The following CNTNAP2 variants were observed in gnomAD, a reference collection of about 807,000 sequenced individuals.
CNTNAP2 encodes contactin-associated protein-like 2.
Under a neutral mutation model 155.2 loss-of-function variants are expected in CNTNAP2, and 98 were observed. The observed-to-expected ratio is 0.63, with a 90% CI of 0.54 to 0.75. The LOEUF (loss-of-function observed/expected upper bound fraction) is 0.75. Ranked by LOEUF, CNTNAP2 falls within the 30% of genes least tolerant of loss-of-function variation. The pLI is 0.00. For missense variants in CNTNAP2, 1,727 were observed against 1,688.1 expected, an observed-to-expected ratio of 1.02 and a Z score of -0.40; for synonymous variants, 651 against 631.2, an observed-to-expected ratio of 1.03 and a Z score of -0.47.
intron 21 of CNTNAP2, among the ~76,000 whole-genome samples, chr7:148,294,344 T>C (rs753307481): frequency 1.3e-5 from 2 of 152,238 alleles, no homozygotes; most frequent in Admixed American, 6.5e-5. Flanking sequence ...TAAGCTTACA[T>C]ATAATTAACC....
intron 15 of CNTNAP2, among the ~76,000 whole-genome samples, chr7:148,028,056 C>T (rs1041498660): frequency 5.9e-5 from 9 of 152,124 alleles, no homozygotes; most frequent in African/African-American, 2.2e-4. Context: ...TTCTCTTAAC[C>T]TTAACATATG....
At chr7:147,956,534 T>C (rs1202568771) in intron 14 of CNTNAP2, among the ~76,000 whole-genome samples, 4 of 152,200 alleles carry the variant, frequency 2.6e-5, no homozygotes, top group Admixed American at 2.6e-4. Flanking sequence ...TTCAGCCTTC[T>C]GCCGCTGACA....
At chr7:146,714,636 TAGAATC>T (rs1266119695) in intron 1 of CNTNAP2, among the ~76,000 whole-genome samples, 12 of 152,174 alleles carry the variant, frequency 7.9e-5, no homozygotes, top group African/African-American at 2.9e-4. Context: ...CATAGGAACA[TAGAATC>T]AGACAAAAGT....
intron 20 of CNTNAP2, among the ~76,000 whole-genome samples, chr7:148,237,837 T>C (rs749006987): frequency 1.3e-5 from 2 of 152,206 alleles, no homozygotes; most frequent in East Asian, 1.9e-4. Flanking sequence ...CACCACTTTC[T>C]ATATGTGGAA....
rs745974755 is a variant in CNTNAP2 at position 148,172,224 on chromosome 7, G to A, written c.2774-18G>A. 4 of 1,611,808 alleles carry A rather than the reference G, an allele frequency of 2.5e-6. No individual in the cohort carries two copies. The African/African-American group carries it at 5.3e-5, about 22-fold the overall frequency. On this transcript the variant is annotated intron_variant, in intron 17 of 23. Transcript: ENST00000361727. ...AGAGGTTATTCCCTCTGAACTCTGT[G>A]CCTTCTGTCATTCCCAGGTGGTGCT...
intron 1 of CNTNAP2, among the ~76,000 whole-genome samples, chr7:146,598,247 T>C (rs920766478): frequency 2.0e-5 from 3 of 152,144 alleles, no homozygotes; most frequent in African/African-American, 7.2e-5. Context: ...TTCTTTTTTC[T>C]GTTTCTCGAT....
chr7:148,209,535 C>G (rs145275946), intron 18 of CNTNAP2, among the ~76,000 whole-genome samples: 1 of 151,654 alleles, frequency 6.6e-6, no homozygotes, highest in South Asian at 2.1e-4. Flanking sequence ...TCCAAAAATC[C>G]GAGTCTGTCT....
chr7:148,054,822 C>A (rs1055384024), intron 15 of CNTNAP2, among the ~76,000 whole-genome samples: 2 of 151,840 alleles, frequency 1.3e-5, no homozygotes, highest in Non-Finnish European at 2.9e-5. Flanking sequence ...TCCAGGTAAG[C>A]CTTCCAAGCT....
chr7:147,528,805 C>T (rs1584793687), intron 11 of CNTNAP2, among the ~76,000 whole-genome samples: 1 of 152,104 alleles, frequency 6.6e-6, no homozygotes, highest in South Asian at 2.1e-4. Context: ...AATACCAATC[C>T]GAACAAGCTA....
rs1796039195 is a variant in CNTNAP2 at position 146,423,292 on chromosome 7, GAGT to G, written c.97+306322_97+306324del. ...TAATTACAGTAGCGATCAATTCTAT[GAGT>G]AGATTTTTTTGTTTCCTTAGCTGTT... On this transcript the variant is annotated intron_variant, in intron 1 of 23. Transcript: ENST00000361727. Among the ~76,000 whole-genome samples the G allele has an allele frequency of 2.6e-5, 4 of 152,058 alleles. No individual in the cohort carries two copies. The South Asian group carries it at 8.3e-4, about 32-fold the overall frequency.
chr7:147,191,898 C>G (rs1052687491), intron 8 of CNTNAP2, among the ~76,000 whole-genome samples: 3 of 152,156 alleles, frequency 2.0e-5, no homozygotes, highest in Non-Finnish European at 4.4e-5. Flanking sequence ...AAAAGCAAAA[C>G]TGAATTTTAT....
intron 13 of CNTNAP2, among the ~76,000 whole-genome samples, chr7:147,824,715 C>T (rs1798420785): frequency 6.8e-6 from 1 of 146,264 alleles, no homozygotes; most frequent in Admixed American, 6.9e-5. Flanking sequence ...CCAAAAAAAC[C>T]CTCTTTTACC....
At chr7:146,323,637 G>T (rs1156939274) in intron 1 of CNTNAP2, among the ~76,000 whole-genome samples, 1 of 151,900 alleles carries the variant, frequency 6.6e-6, no homozygotes, top group African/African-American at 2.4e-5. Context: ...TCTATGATAG[G>T]TCCATAAATA....
At chr7:147,927,643 A>G (rs892104264) in intron 14 of CNTNAP2, among the ~76,000 whole-genome samples, 1 of 152,226 alleles carries the variant, frequency 6.6e-6, no homozygotes, top group Non-Finnish European at 1.5e-5. Context: ...CAATATCTTC[A>G]GAATTTCATG....
Position 146,879,769 on chromosome 7 carries a change from A to T in CNTNAP2, c.402+39865A>T, listed in dbSNP as rs1428645885. ...TCAGTGAATGTTATTTTTCTTTATA[A>T]TAATAAAGAAAATAAAGATTGTATT... On this transcript the variant is annotated intron_variant, in intron 3 of 23. Transcript: ENST00000361727. 2.0e-5 allele frequency among the ~76,000 whole-genome samples: 3 copies of T among 152,218 alleles called. No individual in the cohort carries two copies. In the East Asian group the frequency reaches 5.8e-4, roughly 29 times the overall value.
chr7:147,786,861 C>T (rs565529016), intron 13 of CNTNAP2, among the ~76,000 whole-genome samples: 2 of 152,064 alleles, frequency 1.3e-5, no homozygotes, highest in African/African-American at 4.8e-5. Context: ...CCCTGCTACT[C>T]ATGAAACTGA....
At chr7:148,280,699 G>A (rs111772901) in intron 21 of CNTNAP2, among the ~76,000 whole-genome samples, 16 of 152,122 alleles carry the variant, frequency 1.1e-4, no homozygotes, top group Admixed American at 2.6e-4. Flanking sequence ...CAGGTGGATC[G>A]CCTCAGGTCA....
intron 1 of CNTNAP2, among the ~76,000 whole-genome samples, chr7:146,257,888 ATT>A (rs57787137): frequency 6.8e-6 from 1 of 147,238 alleles, no homozygotes; most frequent in Non-Finnish European, 1.5e-5. Flanking sequence ...TTATCCAGCA[ATT>A]TTTTTTTTTT....
chr7:147,902,663 T>C (rs1021043855), intron 13 of CNTNAP2, among the ~76,000 whole-genome samples: 1 of 152,192 alleles, frequency 6.6e-6, no homozygotes, highest in African/African-American at 2.4e-5. Context: ...CAATATTTGG[T>C]TTTCCATTCC....
Sources: allele counts gnomAD v4.1 joint callset (sites outside exome capture counted in the v4.1 genomes callset), GRCh38; gene constraint gnomAD v4.1.1; transcripts MANE v1.5; gene names NCBI Gene and HGNC (gene_info 2026-07-23, HGNC 2026-07-21).